The following GDAP1 variants were observed in gnomAD, a reference collection of about 807,000 sequenced individuals.
GDAP1 encodes the protein ganglioside-induced differentiation-associated protein 1.
A neutral mutation model predicts 40.1 loss-of-function variants in GDAP1; 34 were observed. The observed-to-expected ratio is 0.85, with a 90% CI of 0.64 to 1.13. The LOEUF is 1.13. Among genes scored for constraint, GDAP1 ranks in the 50% most tolerant of loss-of-function variants. The pLI is 0.00. For synonymous variants in GDAP1, 170 were observed against 157.4 expected, an observed-to-expected ratio of 1.08 and a Z score of -0.60; for missense variants, 374 against 433.7, an observed-to-expected ratio of 0.86 and a Z score of 1.22.
At chr8:74,352,194 T>C (rs1006483493) in intron 2 of GDAP1, among the ~76,000 whole-genome samples, 1 of 152,180 alleles carries the variant, frequency 6.6e-6, no homozygotes, top group African/African-American at 2.4e-5. Flanking sequence ...ACTGACTGTC[T>C]CCCATAATCC....
intron 2 of GDAP1, among the ~76,000 whole-genome samples, chr8:74,359,907 G>A (rs562979627): frequency 1.3e-5 from 2 of 152,330 alleles, no homozygotes; most frequent in South Asian, 4.1e-4. Flanking sequence ...AGTGCAGTTT[G>A]CAAGGTGAAG....
intron 2 of GDAP1, among the ~76,000 whole-genome samples, chr8:74,389,601 C>T (rs1422073294): frequency 6.6e-6 from 1 of 152,090 alleles, no homozygotes; most frequent in Non-Finnish European, 1.5e-5. Context: ...CTCTGGCTGC[C>T]CTTAATGTTT....
chr8:74,374,158 C>T (rs1347997063), intron 2 of GDAP1, among the ~76,000 whole-genome samples: 1 of 152,068 alleles, frequency 6.6e-6, no homozygotes. Flanking sequence ...ATTCGGTTTG[C>T]CAGTATTGTA....
chr8:74,431,387 T>A (rs1258536547), intron 2 of GDAP1, among the ~76,000 whole-genome samples: 2 of 152,180 alleles, frequency 1.3e-5, no homozygotes, highest in Non-Finnish European at 2.9e-5. Flanking sequence ...TTAGTCTGGA[T>A]TGGCTTATAT....
chr8:74,370,172 T>C (rs1286345866), downstream of GDAP1, among the ~76,000 whole-genome samples: 1 of 152,160 alleles, frequency 6.6e-6, no homozygotes, highest in African/African-American at 2.4e-5. Flanking sequence ...AAATAATGGG[T>C]ACATATAAAG....
In GDAP1 at chr8:74,411,397, A is replaced by G. The variant is rs1220833111; in HGVS notation, c.165+60076A>G. Among the ~76,000 whole-genome samples, 3 of 149,692 alleles carry G rather than the reference A, an allele frequency of 2.0e-5. 1 individual carries two copies. The highest frequency in any genetic ancestry group is 7.7e-5 in the African/African-American group (3 of 39,082). On this transcript the variant is annotated intron_variant, in intron 2 of 2. Transcript: ENST00000523640. Reference sequence around the variant, plus strand: ...GTAATGCTATTAACTTTGCTAGGCAATCTGAATGTTATGTTATGAGAATAC... The same window carrying G: ...GTAATGCTATTAACTTTGCTAGGCAGTCTGAATGTTATGTTATGAGAATAC...
chr8:74,400,921 C>T (rs1211705075), intron 2 of GDAP1, among the ~76,000 whole-genome samples: 25 of 149,440 alleles, frequency 1.7e-4, no homozygotes, highest in Middle Eastern at 3.2e-3. Context: ...CCGAGAGATC[C>T]GCTGTTAGTC....
chr8:74,418,545 A>G (rs540682266), intron 2 of GDAP1, among the ~76,000 whole-genome samples: 3 of 152,342 alleles, frequency 2.0e-5, no homozygotes, highest in African/African-American at 7.2e-5. Flanking sequence ...CTTCACATAT[A>G]TAGATGAACA....
At chr8:74,481,412 T>C (rs771367999) in intron 2 of GDAP1, among the ~76,000 whole-genome samples, 2 of 152,238 alleles carry the variant, frequency 1.3e-5, no homozygotes, top group African/African-American at 4.8e-5. Context: ...ATTGTAGTCC[T>C]AAAGTCTGTT....
At position 74,411,977 on chromosome 8, in the gene GDAP1, G is replaced by A. The variant is rs1014166986; in HGVS notation, c.165+60656G>A. On this transcript the variant is annotated intron_variant, in intron 2 of 2. Coordinates refer to the GDAP1 transcript ENST00000523640. ...CTGGGAATACCACTTTTTCATTCCT[G>A]TGTCCCAAACATAAATATCTGTCAG... Among the ~76,000 whole-genome samples the A allele has an allele frequency of 2.7e-5, 4 of 149,810 alleles. 1 individual carries two copies. Among genetic ancestry groups the A allele is most frequent in the African/African-American group, 7.6e-5 (3 of 39,262 alleles).
intron 2 of GDAP1, among the ~76,000 whole-genome samples, chr8:74,482,046 C>T (rs940872266): frequency 2.8e-5 from 4 of 143,758 alleles, no homozygotes; most frequent in South Asian, 2.2e-4. Context: ...AGGAGCAGTA[C>T]GGTGGTGAAG....
At chr8:74,381,457 TA>T (rs760245359) in intron 2 of GDAP1, among the ~76,000 whole-genome samples, 4 of 151,722 alleles carry the variant, frequency 2.6e-5, no homozygotes, top group Non-Finnish European at 5.9e-5. Context: ...TTTATTTATG[TA>T]AAAAAAAGTA....
chr8:74,429,509 G>C (rs896210217), intron 2 of GDAP1, among the ~76,000 whole-genome samples: 1 of 152,200 alleles, frequency 6.6e-6, no homozygotes, highest in African/African-American at 2.4e-5. Context: ...TGGGAAGTCT[G>C]AAATCAATGT....
chr8:74,355,503 G>C (rs1200427757), intron 2 of GDAP1, among the ~76,000 whole-genome samples: 1 of 152,142 alleles, frequency 6.6e-6, no homozygotes, highest in Non-Finnish European at 1.5e-5. Context: ...TGAGCATGTG[G>C]TGAGGAATAG....
chr8:74,392,392 C>T (rs931162686), intron 2 of GDAP1, among the ~76,000 whole-genome samples: 19 of 152,106 alleles, frequency 1.2e-4, no homozygotes, highest in Admixed American at 6.5e-4. Context: ...ACAAAGAAAA[C>T]GAGAGAAGAA....
intron 2 of GDAP1, among the ~76,000 whole-genome samples, chr8:74,401,322 C>T (rs1037612055): frequency 4.7e-5 from 7 of 149,786 alleles, no homozygotes; most frequent in Admixed American, 3.9e-4. Context: ...ATCACTGATA[C>T]CCGTTCTTCC....
chr8:74,382,472 A>G (rs892627180), intron 2 of GDAP1, among the ~76,000 whole-genome samples: 2 of 151,626 alleles, frequency 1.3e-5, no homozygotes, highest in East Asian at 3.9e-4. Flanking sequence ...TTCTCTAGCT[A>G]ACTTATTAGA....
intron 2 of GDAP1, among the ~76,000 whole-genome samples, chr8:74,398,632 T>C (rs528043601): frequency 1.3e-5 from 2 of 152,364 alleles, no homozygotes; most frequent in South Asian, 4.1e-4. Context: ...GTGCCCATTT[T>C]CAAAGGGAGT....
At chr8:74,380,813 A>G (rs1475992360) in intron 2 of GDAP1, among the ~76,000 whole-genome samples, 1 of 152,192 alleles carries the variant, frequency 6.6e-6, no homozygotes, top group Non-Finnish European at 1.5e-5. Context: ...CATAAAATAC[A>G]CACCATGATT....
Sources: allele counts gnomAD v4.1 joint callset (sites outside exome capture counted in the v4.1 genomes callset), GRCh38; gene constraint gnomAD v4.1.1; transcripts MANE v1.5; gene names NCBI Gene and HGNC (gene_info 2026-07-23, HGNC 2026-07-21).